Variants in BARHL1 observed in about 807,000 individuals in gnomAD.
BARHL1 encodes the protein barH-like 1 homeobox protein.
In BARHL1, 2 loss-of-function variants were observed where a neutral mutation model predicts 20.1. That is an observed-to-expected ratio of 0.10 (90% confidence interval 0.04 to 0.31). The LOEUF is 0.31. Among genes scored for constraint, BARHL1 ranks in the 10% least tolerant of loss-of-function variants. The pLI, the probability that BARHL1 is intolerant of heterozygous loss-of-function variation, is 1.00. For synonymous variants in BARHL1, 213 were observed against 209.9 expected (o/e 1.01, Z -0.13); for missense variants, 397 against 454.0 (o/e 0.87, Z 1.14).
Position 132,582,998 on chromosome 9 carries a change from C to A in BARHL1, c.201C>A (p.Gly67=). The stretch of plus-strand genomic sequence containing the variant: ...TGGAGACGGGGACCCCACGGCCTGG[C>A]GGGGCATCCGGCCCAGGTTTGGACT... ...DCLETGTPRP[G]GASGPGLDSH... Residue 67 remains glycine, a synonymous_variant, in exon 1 of 3, where the codon GGC becomes GGA. Coordinates refer to ENST00000263610, the MANE Select transcript of BARHL1 (RefSeq NM_020064.4). 6.2e-7 allele frequency: 1 copy of A among 1,613,728 alleles called. No individual in the cohort carries two copies. Among genetic ancestry groups the A allele is most frequent in the South Asian group, 1.1e-5 (1 of 91,080 alleles).
chr9:132,587,571 G>C lies in BARHL1; in HGVS notation c.689+20G>C. 1 of 1,589,474 alleles carries C rather than the reference G, an allele frequency of 6.3e-7. No homozygotes were observed. Among genetic ancestry groups the C allele is most frequent in the Non-Finnish European group, 8.6e-7 (1 of 1,166,768 alleles). The stretch of plus-strand genomic sequence containing the variant: ...CCGCAGGTGAGGCCTGGCTGCGGGG[G>C]TAGAGGCAGAAAGGGAACTTCCCCT... On this transcript the variant is annotated intron_variant, in intron 2 of 2. Transcript: ENST00000263610. This position sits in a 1 kb window ranked among gnomAD's most constrained non-coding sequence, Gnocchi z 5.5.
Position 132,589,361 on chromosome 9 carries a change from G to A in BARHL1, c.823G>A (p.Ala275Thr). 1 of 1,613,072 alleles carries A rather than the reference G, an allele frequency of 6.2e-7. No individual in the cohort carries two copies. Among genetic ancestry groups the A allele is most frequent in the Non-Finnish European group, 8.5e-7 (1 of 1,179,888 alleles). The change falls in exon 3 of 3, where the codon GCG becomes ACG. Residue 275 changes from alanine (A) to threonine (T), a missense_variant. Transcript: ENST00000263610. ...QSLVSNLDPGAALYLYRGPSA... is the reference protein window; with the variant it reads ...QSLVSNLDPGTALYLYRGPSA... Reference sequence around the variant, plus strand: ...TCTGGTTTCCAACCTGGACCCCGGCGCGGCGCTCTACCTGTACCGCGGCCC... The same window carrying A: ...TCTGGTTTCCAACCTGGACCCCGGCACGGCGCTCTACCTGTACCGCGGCCC...
intron 1 of BARHL1, among the ~76,000 whole-genome samples, chr9:132,584,482 A>ACCCCCCCCCCCCCCCCCACC (rs1830117129): frequency 8.9e-6 from 1 of 112,474 alleles, no homozygotes; most frequent in Non-Finnish European, 1.8e-5. Context: ...CTCCCCCAAC[A>ACCCCCCCCCCCCCCCCCACC]CCCCCACCCC....
chr9:132,588,099 C>A (rs1589938822), intron 2 of BARHL1, among the ~76,000 whole-genome samples: 1 of 152,304 alleles, frequency 6.6e-6, no homozygotes, highest in African/African-American at 2.4e-5. Context: ...AGCCCTTGTT[C>A]CTTGGGGACA....
rs766910569 is a variant in BARHL1, at chr9:132,589,612, C to G, written c.*90C>G. The G allele has an allele frequency of 3.3e-4, 403 of 1,232,748 alleles. No homozygotes were observed. Among genetic ancestry groups the G allele is most frequent in the Non-Finnish European group, 3.8e-4 (376 of 991,498 alleles). 76.4% of individuals were successfully genotyped at this position (1,232,748 alleles called of 1,614,324 possible). A position where few individuals can be genotyped will look rare whatever the true frequency, so the allele number is the denominator to read the frequency against. Reference sequence around the variant, plus strand: ...GAGGGCGCAGGTTCGACGCCCTTTCCCGGGAGGGGGCCCTGCCCGGCCCTC... The same window carrying G: ...GAGGGCGCAGGTTCGACGCCCTTTCGCGGGAGGGGGCCCTGCCCGGCCCTC... On this transcript the variant is annotated 3_prime_UTR_variant, in exon 3 of 3. Transcript: ENST00000263610.
chr9:132,584,802 C>T (rs764436058), intron 1 of BARHL1, among the ~76,000 whole-genome samples: 22 of 152,180 alleles, frequency 1.4e-4, no homozygotes, highest in Non-Finnish European at 2.8e-4. Flanking sequence ...GCTCCTCCCC[C>T]GGGGGGCCTG....
chr9:132,584,131 AAG>A (rs1830103584), intron 1 of BARHL1, among the ~76,000 whole-genome samples: 7 of 144,080 alleles, frequency 4.9e-5, no homozygotes, highest in Admixed American at 3.4e-4. Context: ...AGAAGGAAGG[AAG>A]GAAGGAAGGA....
chr9:132,586,693 G>A (rs1217304817), intron 1 of BARHL1, among the ~76,000 whole-genome samples: 2 of 152,078 alleles, frequency 1.3e-5, no homozygotes, highest in Non-Finnish European at 2.9e-5. Flanking sequence ...TCGCAGACCC[G>A]GAGCCTTCCG....
At position 132,587,632 on chromosome 9, in the gene BARHL1, A is replaced by C. The variant is rs1430682496; in HGVS notation, c.689+81A>C. 1 of 1,378,152 alleles carries C rather than the reference A, an allele frequency of 7.3e-7. No homozygotes were observed. The highest frequency in any genetic ancestry group is 9.9e-7 in the Non-Finnish European group (1 of 1,005,554). 85.4% of individuals were successfully genotyped at this position (1,378,152 alleles called of 1,614,324 possible). The stretch of plus-strand genomic sequence containing the variant: ...CTCCTGGAGGGGACCAGGAGTCTAC[A>C]GGTTGGTGCTAAGGGAGGGCCCCAG... On this transcript the variant is annotated intron_variant, in intron 2 of 2. Transcript: ENST00000263610. This position sits in a 1 kb window ranked among gnomAD's most constrained non-coding sequence, Gnocchi z 5.5.
At position 132,587,325 on chromosome 9, in the gene BARHL1, G is replaced by A. The variant is rs1364618077; in HGVS notation, c.467-4G>A. The A allele has an allele frequency of 5.0e-6, 8 of 1,596,008 alleles. No homozygotes were observed. The Admixed American group carries it at 1.4e-4, about 27-fold the overall frequency. On this transcript the variant is annotated splice_polypyrimidine_tract_variant and splice_region_variant and intron_variant, in intron 1 of 2. Coordinates refer to ENST00000263610, the MANE Select transcript of BARHL1 (RefSeq NM_020064.4). The surrounding 1 kb of genome is among the most constrained non-coding windows in gnomAD (Gnocchi z 5.5). ...CGGGCCCTGACATGCCGCTGTGTCC[G>A]CAGTGAAGGAGGAGGGCGACCGCGA...
intron 1 of BARHL1, among the ~76,000 whole-genome samples, chr9:132,585,804 C>T (rs1213958621): frequency 6.6e-6 from 1 of 152,228 alleles, no homozygotes; most frequent in Non-Finnish European, 1.5e-5. Flanking sequence ...AACTGAATAC[C>T]TCCCGACCTC....
chr9:132,586,867 G>C (rs2083647), intron 1 of BARHL1, among the ~76,000 whole-genome samples: 42,579 of 152,266 alleles, frequency 0.28, 6,147 homozygotes, highest in East Asian at 0.38. Context: ...TCTCTCCCCA[G>C]ACCCCAGCCT....
chr9:132,589,626 T>TGCCCGGCCCTCCCTGGCGCCCC lies in BARHL1; in HGVS notation c.*105_*126dup, dbSNP rs1830185474. On this transcript the variant is annotated 3_prime_UTR_variant, in exon 3 of 3. Transcript: ENST00000263610. ...GACGCCCTTTCCCGGGAGGGGGCCC[T>TGCCCGGCCCTCCCTGGCGCCCC]GCCCGGCCCTCCCTGGCGCCCCAGC... The TGCCCGGCCCTCCCTGGCGCCCC allele has an allele frequency of 1.6e-6, 2 of 1,221,832 alleles. No individual in the cohort carries two copies. 75.7% of individuals were successfully genotyped at this position (1,221,832 alleles called of 1,614,324 possible). A position where few individuals can be genotyped will look rare whatever the true frequency, so the allele number is the denominator to read the frequency against.
rs1049320115 is a variant in BARHL1 at position 132,589,860 on chromosome 9, C to A, written c.*338C>A. 4.9e-5 allele frequency: 11 copies of A among 222,276 alleles called. No individual in the cohort carries two copies. The highest frequency in any genetic ancestry group is 8.7e-5 in the Non-Finnish European group (10 of 114,552). The allele number at this position is 222,276 out of a possible 1,614,324, so 13.8% of individuals were successfully genotyped here. A position where few individuals can be genotyped will look rare whatever the true frequency, so the allele number is the denominator to read the frequency against. On this transcript the variant is annotated 3_prime_UTR_variant, in exon 3 of 3. Transcript: ENST00000263610. ...ACCCCTTTCTCCCCAGGAGCGGGTG[C>A]GGCTGATTCCCAGGCTTCGCTCTCT...
At position 132,587,450 on chromosome 9, in the gene BARHL1, C is replaced by T; in HGVS notation, c.588C>T (p.Ser196=). 6.2e-7 allele frequency: 1 copy of T among 1,612,574 alleles called. No homozygotes were observed. Among genetic ancestry groups the T allele is most frequent in the Admixed American group, 1.7e-5 (1 of 59,916 alleles). The change falls in exon 2 of 3, where the codon AGC becomes AGT. Residue 196 remains serine, a synonymous_variant. Transcript: ENST00000263610. This position sits in a 1 kb window ranked among gnomAD's most constrained non-coding sequence, Gnocchi z 5.5. The part of the protein sequence containing the change: ...TDHQLAQLER[S]FERQKYLSVQ... Reference sequence around the variant, plus strand: ...ATCAGCTGGCGCAGCTGGAGCGCAGCTTCGAGCGGCAGAAGTACCTGAGCG... The same window carrying T: ...ATCAGCTGGCGCAGCTGGAGCGCAGTTTCGAGCGGCAGAAGTACCTGAGCG...
chr9:132,589,611 C>A lies in BARHL1; in HGVS notation c.*89C>A. 1.6e-6 allele frequency: 2 copies of A among 1,232,898 alleles called. No homozygotes were observed. The highest frequency in any genetic ancestry group is 2.0e-6 in the Non-Finnish European group (2 of 991,592). The allele number at this position is 1,232,898 out of a possible 1,614,324, so 76.4% of individuals were successfully genotyped here. On this transcript the variant is annotated 3_prime_UTR_variant, in exon 3 of 3. Transcript: ENST00000263610. ...TGAGGGCGCAGGTTCGACGCCCTTT[C>A]CCGGGAGGGGGCCCTGCCCGGCCCT...
intron 2 of BARHL1, among the ~76,000 whole-genome samples, chr9:132,588,520 G>T (rs762660292): frequency 1.3e-5 from 2 of 152,104 alleles, no homozygotes; most frequent in African/African-American, 4.8e-5. Flanking sequence ...TGGCTGGTCC[G>T]CCTAGCCTCA....
chr9:132,587,078 C>CGGGTT lies in BARHL1; in HGVS notation c.467-250_467-246dup, dbSNP rs1554753466. Among the ~76,000 whole-genome samples the CGGGTT allele has an allele frequency of 1.3e-5, 2 of 152,236 alleles. No individual in the cohort carries two copies. Among genetic ancestry groups the CGGGTT allele is most frequent in the Non-Finnish European group, 2.9e-5 (2 of 68,040 alleles). On this transcript the variant is annotated intron_variant, in intron 1 of 2. Coordinates refer to ENST00000263610, the MANE Select transcript of BARHL1 (RefSeq NM_020064.4). This position sits in a 1 kb window ranked among gnomAD's most constrained non-coding sequence, Gnocchi z 5.5. ...CAGGGACTGGAGTTCTCGCCAGCTT[C>CGGGTT]GGGTTCTTTCTCCCCGGAGCTGCCC... is the stretch of plus-strand genomic sequence containing the variant.
rs774020407 is a variant in BARHL1, at chr9:132,582,780, A to T, written c.-18A>T. 1 of 1,558,766 alleles carries T rather than the reference A, an allele frequency of 6.4e-7. No individual in the cohort carries two copies. The highest frequency in any genetic ancestry group is 8.7e-7 in the Non-Finnish European group (1 of 1,145,936). On this transcript the variant is annotated 5_prime_UTR_variant, in exon 1 of 3. Transcript: ENST00000263610. ...GGTGGGTGGGGAGCTTTTGGGGAGG[A>T]CAGGTCGCAGCTTGGCTATGGAAGG...
Sources: allele counts gnomAD v4.1 joint callset (sites outside exome capture counted in the v4.1 genomes callset), GRCh38; gene constraint gnomAD v4.1.1; non-coding constraint Gnocchi (gnomAD v3.1); transcripts MANE v1.5; gene names NCBI Gene and HGNC (gene_info 2026-07-23, HGNC 2026-07-21).